PCNX2: variants seen among roughly 807,000 people sequenced by gnomAD.
The protein encoded by PCNX2 is pecanex 2.
A neutral mutation model predicts 223.8 loss-of-function variants in PCNX2; 168 were observed. That is an observed-to-expected ratio of 0.75 (90% CI 0.66 to 0.85). The LOEUF (loss-of-function observed/expected upper bound fraction) is 0.85. Among genes scored for constraint, PCNX2 ranks in the 40% least tolerant of loss-of-function variants. The pLI is 0.00. For synonymous variants in PCNX2, 1,006 were observed against 1,052.6 expected, an observed-to-expected ratio of 0.96 and a Z score of 0.86; for missense variants, 2,507 against 2,675.5, an observed-to-expected ratio of 0.94 and a Z score of 1.39.
chr1:233,146,478 C>G (rs145147120), intron 19 of PCNX2, among the ~76,000 whole-genome samples: 78 of 152,294 alleles, frequency 5.1e-4, no homozygotes, highest in Middle Eastern at 3.4e-3. Flanking sequence ...CAATCAGTTA[C>G]AGTTAAGTTT....
At chr1:233,119,786 G>A (rs1205568471) in intron 21 of PCNX2, among the ~76,000 whole-genome samples, 1 of 151,910 alleles carries the variant, frequency 6.6e-6, no homozygotes, top group Non-Finnish European at 1.5e-5. Context: ...TTTGTACTAC[G>A]AAAGACCCTA....
chr1:233,280,387 T>A (rs1331823690), intron 1 of PCNX2, among the ~76,000 whole-genome samples: 1 of 148,820 alleles, frequency 6.7e-6, no homozygotes, highest in Non-Finnish European at 1.5e-5. Context: ...AACCTCTGCC[T>A]CCTGGGTTCA....
chr1:233,169,694 A>G (rs983862251), intron 17 of PCNX2, among the ~76,000 whole-genome samples: 27 of 151,994 alleles, frequency 1.8e-4, no homozygotes, highest in Non-Finnish European at 1.8e-4. Context: ...GCATATAATA[A>G]GTATGTACAG....
chr1:233,074,623 A>AAAAG (rs1673012213), intron 23 of PCNX2, among the ~76,000 whole-genome samples: 1 of 148,410 alleles, frequency 6.7e-6, no homozygotes, highest in Non-Finnish European at 1.5e-5. Context: ...AAAAAAAAAA[A>AAAAG]GAGGACGAAA....
intron 14 of PCNX2, among the ~76,000 whole-genome samples, chr1:233,199,389 G>C (rs887629881): frequency 1.3e-5 from 2 of 152,090 alleles, no homozygotes; most frequent in African/African-American, 4.8e-5. Context: ...AGGAGAAGGA[G>C]GGAGAAGGCA....
At chr1:233,050,649 G>T (rs982199271) in intron 25 of PCNX2, among the ~76,000 whole-genome samples, 6 of 152,102 alleles carry the variant, frequency 3.9e-5, no homozygotes, top group African/African-American at 1.4e-4. Context: ...AATGAAACAG[G>T]ACCCCTACCT....
intron 21 of PCNX2, among the ~76,000 whole-genome samples, chr1:233,117,531 G>A (rs1675483047): frequency 6.7e-6 from 1 of 150,176 alleles, no homozygotes; most frequent in African/African-American, 2.5e-5. Context: ...AACCCGGGAG[G>A]CGGAGCTTGC....
chr1:233,072,806 T>A (rs1342558086), intron 23 of PCNX2, among the ~76,000 whole-genome samples: 1 of 152,210 alleles, frequency 6.6e-6, no homozygotes, highest in Admixed American at 6.5e-5. Context: ...GATTTCTGCA[T>A]CTACATTCAT....
chr1:233,161,183 G>T, intron 18 of PCNX2, 88 bp downstream of exon 18: 1 of 1,233,258 alleles, frequency 8.1e-7, no homozygotes, highest in Non-Finnish European at 1.2e-6. Flanking sequence ...TGGCTCACGT[G>T]TCTTGTCAAT....
intron 10 of PCNX2, among the ~76,000 whole-genome samples, chr1:233,220,382 A>G (rs1657292849): frequency 6.6e-6 from 1 of 152,220 alleles, no homozygotes. Flanking sequence ...AAGTAGCTGT[A>G]CCATTTTGCA....
intron 22 of PCNX2, among the ~76,000 whole-genome samples, chr1:233,093,480 A>G (rs1458311514): frequency 6.6e-6 from 1 of 152,216 alleles, no homozygotes; most frequent in Non-Finnish European, 1.5e-5. Context: ...AATAATTAAC[A>G]TTTCACAATA....
Position 233,000,423 on chromosome 1 carries a change from C to A in PCNX2, c.5210G>T (p.Gly1737Val), listed in dbSNP as rs934065504. 1 of 1,603,646 alleles carries A rather than the reference C, an allele frequency of 6.2e-7. No homozygotes were observed. Residue 1737 changes from glycine to valine, a missense_variant, in exon 30 of 34, where the codon GGC becomes GTC. Physicochemically the swap from Gly to Val is moderately radical, Grantham distance 109. This residue lies in a region of PCNX2 where 1,372 missense variants were observed against 1,509.4 expected (regional missense o/e 0.91). Transcript: ENST00000258229. The surrounding 1 kb of genome is among the most constrained non-coding windows in gnomAD (Gnocchi z 4.6). ...ICHEGDPAWR[G>V]AVLSNKEELL... is the part of the protein sequence containing the mutation. Reference sequence around the variant, plus strand: ...CTCTTCCTTGTTGGACAGCACTGCGCCCCGCCAGGCCGGGTCGCCCTCGTG... The same window carrying A: ...CTCTTCCTTGTTGGACAGCACTGCGACCCGCCAGGCCGGGTCGCCCTCGTG...
At chr1:233,130,131 G>C (rs1020163192) in intron 21 of PCNX2, among the ~76,000 whole-genome samples, 1 of 151,940 alleles carries the variant, frequency 6.6e-6, no homozygotes, top group Admixed American at 6.6e-5. Flanking sequence ...TGAAGCCAGC[G>C]AGACCACGAA....
intron 22 of PCNX2, among the ~76,000 whole-genome samples, chr1:233,091,381 T>C (rs553239382): frequency 2.0e-5 from 3 of 152,034 alleles, no homozygotes; most frequent in African/African-American, 4.8e-5. Flanking sequence ...ACTCTGCATT[T>C]CATTATCAAG....
chr1:233,031,453 A>G (rs1019414503), intron 25 of PCNX2, among the ~76,000 whole-genome samples: 1 of 152,212 alleles, frequency 6.6e-6, no homozygotes, highest in Non-Finnish European at 1.5e-5. Context: ...CTGAACAGGC[A>G]CCAATTGAGG....
chr1:233,284,987 C>T (rs1661374330), intron 1 of PCNX2: 1 of 985,354 alleles, frequency 1.0e-6, no homozygotes, highest in African/African-American at 1.7e-5. Context: ...TTCCTAACTA[C>T]CTATAATGAG....
At chr1:233,218,250 T>A in intron 10 of PCNX2, 66 bp from the exon 11 acceptor site, 1 of 1,066,634 alleles carries the variant, frequency 9.4e-7, no homozygotes, top group Non-Finnish European at 1.2e-6. Flanking sequence ...TTTTGCCTTT[T>A]TTTTTTTTTT....
At chr1:233,182,615 T>A (rs1019569714) in intron 15 of PCNX2, among the ~76,000 whole-genome samples, 2 of 152,166 alleles carry the variant, frequency 1.3e-5, no homozygotes, top group African/African-American at 4.8e-5. Context: ...CTTTTCAGCA[T>A]CCTTCCTCAC....
At chr1:233,087,123 T>G in intron 23 of PCNX2, 1 of 985,424 alleles carries the variant, frequency 1.0e-6, no homozygotes, top group Non-Finnish European at 1.2e-6. Flanking sequence ...ATCAGGTCAC[T>G]GGTGATTTAT....
Sources: gnomAD v4.1 joint callset for allele counts (sites outside exome capture counted in the v4.1 genomes callset) on GRCh38, gnomAD v4.1.1 for gene constraint, gnomAD v4.1.1 regional missense constraint, Gnocchi (gnomAD v3.1) non-coding constraint, MANE v1.5 for transcripts, NCBI Gene and HGNC (gene_info 2026-07-23, HGNC 2026-07-21) for gene names.